The following GLIS3 variants were observed in gnomAD, a reference collection of about 807,000 sequenced individuals.
The protein encoded by GLIS3 is GLIS family zinc finger 3.
In GLIS3, 53 loss-of-function variants were observed where a neutral mutation model predicts 78.6. The ratio of observed to expected loss-of-function variants is 0.67; its 90% CI spans 0.54 to 0.85. The LOEUF is 0.85. Among genes scored for constraint, GLIS3 ranks in the 40% least tolerant of loss-of-function variants. The pLI, the probability that GLIS3 is intolerant of heterozygous loss-of-function variation, is 0.00. For synonymous variants in GLIS3, 684 were observed against 509.9 expected (o/e 1.34, Z -4.60); for missense variants, 1,703 against 1,231.1 (o/e 1.38, Z -5.74).
chr9:4,354,100 C>T, the GLIS3 span, among the ~76,000 whole-genome samples: 1 of 151,744 alleles, frequency 6.6e-6, no homozygotes, highest in East Asian at 1.9e-4. Flanking sequence ...CCTCCCAAAG[C>T]GCTGGGATTA....
At chr9:4,245,254 T>C (rs1380670558) in intron 2 of GLIS3, among the ~76,000 whole-genome samples, 2 of 152,198 alleles carry the variant, frequency 1.3e-5, no homozygotes, top group African/African-American at 4.8e-5. Context: ...ATGATTATTA[T>C]TATGTCTTTC....
At chr9:4,241,686 G>GTT (rs35581337) in intron 2 of GLIS3, among the ~76,000 whole-genome samples, 20 of 151,626 alleles carry the variant, frequency 1.3e-4, no homozygotes, top group African/African-American at 2.7e-4. Context: ...TTTTTGTTTT[G>GTT]TTTTTTTTGA....
In GLIS3 at chr9:3,937,202, A is replaced by T; in HGVS notation, c.1711-13T>A. The T allele has an allele frequency of 6.2e-7, 1 of 1,614,136 alleles. No individual in the cohort carries two copies. The highest frequency in any genetic ancestry group is 8.5e-7 in the Non-Finnish European group (1 of 1,179,990). On this transcript the variant is annotated splice_polypyrimidine_tract_variant and intron_variant, in intron 4 of 10. Transcript: ENST00000381971. ...CGCAACCTTCAAACTGCAAAAAGAA[A>T]ACAATTTTTGGTGGTTGAGAAGGAC...
At chr9:4,055,449 G>C (rs2130510881) in intron 4 of GLIS3, among the ~76,000 whole-genome samples, 1 of 152,224 alleles carries the variant, frequency 6.6e-6, no homozygotes, top group African/African-American at 2.4e-5. Flanking sequence ...CTGACCATGG[G>C]AGTTCCAAGA....
In GLIS3 at chr9:3,925,827, G is replaced by A. The variant is rs191537824; in HGVS notation, c.1983+6533C>T. Among the ~76,000 whole-genome samples, 9 of 152,320 alleles carry A rather than the reference G, an allele frequency of 5.9e-5. No individual in the cohort carries two copies. The East Asian group carries it at 1.5e-3, about 26-fold the overall frequency. The stretch of plus-strand genomic sequence containing the variant: ...TGAGATCTTTATTTAGAAGTTTGAT[G>A]ATGTTTTTGTGACCAGAAATATGCC... On this transcript the variant is annotated intron_variant, in intron 6 of 10. Coordinates refer to ENST00000381971, the MANE Select transcript of GLIS3 (RefSeq NM_001042413.2).
At chr9:4,245,237 A>C (rs755841276) in intron 2 of GLIS3, among the ~76,000 whole-genome samples, 7 of 152,202 alleles carry the variant, frequency 4.6e-5, no homozygotes, top group Non-Finnish European at 1.0e-4. Flanking sequence ...GTGGCCTCAA[A>C]CCCACAATGA....
At chr9:4,092,698 C>T (rs1011442408) in intron 4 of GLIS3, among the ~76,000 whole-genome samples, 2 of 152,098 alleles carry the variant, frequency 1.3e-5, no homozygotes, top group Admixed American at 1.3e-4. Context: ...GCTGTCATCT[C>T]CCATAATAAC....
the GLIS3 span, among the ~76,000 whole-genome samples, chr9:4,385,119 C>G: frequency 1.3e-5 from 2 of 152,326 alleles, no homozygotes; most frequent in South Asian, 4.1e-4. Flanking sequence ...CTCCTCAGAA[C>G]AGTTTACTGT....
At chr9:4,145,258 A>T (rs1042111072) in intron 2 of GLIS3, 2 of 152,220 alleles carry the variant, frequency 1.3e-5, no homozygotes, top group African/African-American at 4.8e-5. Flanking sequence ...ACTCCTTGTT[A>T]GGTAAGGTTT....
intron 4 of GLIS3, among the ~76,000 whole-genome samples, chr9:3,974,779 G>T (rs1818641326): frequency 6.6e-6 from 1 of 152,092 alleles, no homozygotes; most frequent in Non-Finnish European, 1.5e-5. Flanking sequence ...AGCTGAAAAA[G>T]AAATGAACTC....
At chr9:4,236,248 G>T (rs935668688) in intron 2 of GLIS3, among the ~76,000 whole-genome samples, 3 of 145,654 alleles carry the variant, frequency 2.1e-5, no homozygotes, top group African/African-American at 7.5e-5. Context: ...AACTAGAGAA[G>T]AGGGGAAACC....
chr9:4,325,760 A>G (rs190193061), intron 2 of GLIS3, among the ~76,000 whole-genome samples: 1 of 152,178 alleles, frequency 6.6e-6, no homozygotes, highest in Non-Finnish European at 1.5e-5. Context: ...CATGATGTGA[A>G]GCTTGAGAAA....
At chr9:4,098,727 T>A (rs1302465571) in intron 4 of GLIS3, among the ~76,000 whole-genome samples, 1 of 152,182 alleles carries the variant, frequency 6.6e-6, no homozygotes, top group Admixed American at 6.5e-5. Flanking sequence ...CGTAAAAAGT[T>A]TTACGATCGA....
Position 4,158,321 on chromosome 9 carries a change from T to C in GLIS3, c.389-32380A>G, listed in dbSNP as rs1274413639. On this transcript the variant is annotated intron_variant, in intron 2 of 10. Coordinates refer to ENST00000381971, the MANE Select transcript of GLIS3 (RefSeq NM_001042413.2). The stretch of plus-strand genomic sequence containing the variant: ...AAACACATGTTTGCCATATCCCTGA[T>C]ACATGTGTCCAAAGAGGGCAGAGGT... Among the ~76,000 whole-genome samples, 4 of 152,328 alleles carry C rather than the reference T, an allele frequency of 2.6e-5. No individual in the cohort carries two copies. The South Asian group carries it at 8.3e-4, about 32-fold the overall frequency.
At chr9:3,872,500 A>G (rs556403341) in intron 8 of GLIS3, among the ~76,000 whole-genome samples, 13 of 152,364 alleles carry the variant, frequency 8.5e-5, no homozygotes, top group Non-Finnish European at 1.3e-4. Flanking sequence ...GGCAGATTGT[A>G]AGGAGGAGCA....
At chr9:4,387,527 A>C in the GLIS3 span, among the ~76,000 whole-genome samples, 1 of 152,196 alleles carries the variant, frequency 6.6e-6, no homozygotes, top group Non-Finnish European at 1.5e-5. Flanking sequence ...AAGCATTTAA[A>C]ATTTTTGAGA....
Position 4,118,888 on chromosome 9 carries a change from C to G in GLIS3, c.597-7G>C, listed in dbSNP as rs754705348. 1.2e-6 allele frequency: 2 copies of G among 1,600,124 alleles called. No individual in the cohort carries two copies. The highest frequency in any genetic ancestry group is 1.7e-6 in the Non-Finnish European group (2 of 1,179,762). ...CTCACGCGAAATAAGGGACCTGGAACAGCAGCCAGAAAGGAAGAAAAAAAA... is the reference window on the plus strand; with the variant it reads ...CTCACGCGAAATAAGGGACCTGGAAGAGCAGCCAGAAAGGAAGAAAAAAAA... On this transcript the variant is annotated splice_polypyrimidine_tract_variant and splice_region_variant and intron_variant, in intron 3 of 10. Transcript: ENST00000381971. This position sits in a 1 kb window ranked among gnomAD's most constrained non-coding sequence, Gnocchi z 4.7.
At chr9:4,047,093 C>G (rs891111255) in intron 4 of GLIS3, among the ~76,000 whole-genome samples, 1 of 152,104 alleles carries the variant, frequency 6.6e-6, no homozygotes, top group African/African-American at 2.4e-5. Context: ...GAGGGAGAAA[C>G]CTGCTGGAAG....
At position 4,162,017 on chromosome 9, in the gene GLIS3, C is replaced by T. The variant is rs115536252; in HGVS notation, c.389-36076G>A. Among the ~76,000 whole-genome samples, 521 of 152,126 alleles carry T rather than the reference C, an allele frequency of 3.4e-3. 5 individuals carry two copies. Among genetic ancestry groups the T allele is most frequent in the African/African-American group, 0.012 (486 of 41,512 alleles). The stretch of plus-strand genomic sequence containing the variant: ...TAGAATTCTGAAATCAAGGTGTTGG[C>T]AGGGCCAGGCTCTCTCTGTAGCCTC... On this transcript the variant is annotated intron_variant, in intron 2 of 10. Coordinates refer to ENST00000381971, the MANE Select transcript of GLIS3 (RefSeq NM_001042413.2).
Sources: gnomAD v4.1 joint callset for allele counts (sites outside exome capture counted in the v4.1 genomes callset) on GRCh38, gnomAD v4.1.1 for gene constraint, Gnocchi (gnomAD v3.1) non-coding constraint, MANE v1.5 for transcripts, NCBI Gene and HGNC (gene_info 2026-07-23, HGNC 2026-07-21) for gene names.